AGPAT3: variants seen among roughly 807,000 people sequenced by gnomAD.
AGPAT3 encodes 1-acyl-sn-glycerol-3-phosphate acyltransferase gamma.
A neutral mutation model predicts 47.3 loss-of-function variants in AGPAT3; 5 were observed. That is an observed-to-expected ratio of 0.11 (90% CI 0.06 to 0.22). The LOEUF (loss-of-function observed/expected upper bound fraction) is 0.22, where lower values mean the gene tolerates loss of function less well. AGPAT3 is among the 10% of genes least tolerant of loss of function. AGPAT3 has a pLI of 1.00. For missense variants in AGPAT3, 315 were observed against 493.0 expected, an observed-to-expected ratio of 0.64 and a Z score of 3.42; for synonymous variants, 212 against 208.3, an observed-to-expected ratio of 1.02 and a Z score of -0.15.
chr21:43,906,191 G>A (rs900857325), intron 2 of AGPAT3, among the ~76,000 whole-genome samples: 2 of 152,138 alleles, frequency 1.3e-5, no homozygotes, highest in Non-Finnish European at 2.9e-5. Context: ...ACCCAAATCC[G>A]ATTTACAACC....
rs1223501214 is a variant in AGPAT3 at position 43,934,498 on chromosome 21, TGGC to T, written c.-48-25135_-48-25133del. 1.3e-5 allele frequency among the ~76,000 whole-genome samples: 2 copies of T among 152,230 alleles called. No individual in the cohort carries two copies. The highest frequency in any genetic ancestry group is 4.8e-5 in the African/African-American group (2 of 41,464). ...CCACTAGGATGTTATACAGGCAGCA[TGGC>T]TTAGGTGTCAGAGACGGGAAAGGAC... is the stretch of plus-strand genomic sequence containing the variant. On this transcript the variant is annotated intron_variant, in intron 2 of 9. Coordinates refer to ENST00000291572, the MANE Select transcript of AGPAT3 (RefSeq NM_020132.5). This position sits in a 1 kb window ranked among gnomAD's most constrained non-coding sequence, Gnocchi z 4.7.
At chr21:43,945,669 C>T (rs780276403) in intron 2 of AGPAT3, among the ~76,000 whole-genome samples, 1 of 152,140 alleles carries the variant, frequency 6.6e-6, no homozygotes, top group Non-Finnish European at 1.5e-5. Context: ...TTGCACTGTC[C>T]AGGCCAAGGG....
chr21:43,968,200 G>A (rs2089230357), intron 4 of AGPAT3, 85 bp downstream of exon 4: 2 of 1,419,496 alleles, frequency 1.4e-6, no homozygotes, highest in South Asian at 1.2e-5. Context: ...GGGAGGGCCG[G>A]GGTGAGCAGG....
chr21:43,893,748 C>A (rs928697687), intron 1 of AGPAT3, among the ~76,000 whole-genome samples: 4 of 152,078 alleles, frequency 2.6e-5, no homozygotes, highest in Non-Finnish European at 5.9e-5. Context: ...TGGGAAGAGC[C>A]GCTCGGCCGA....
rs1354184562 is a variant in AGPAT3, at chr21:43,920,285, A to AGAGT, written c.-49+16268_-49+16271dup. Among the ~76,000 whole-genome samples the AGAGT allele has an allele frequency of 6.6e-6, 1 of 151,704 alleles. No individual in the cohort carries two copies. Among genetic ancestry groups the AGAGT allele is most frequent in the African/African-American group, 2.4e-5 (1 of 41,246 alleles). On this transcript the variant is annotated intron_variant, in intron 2 of 9. Transcript: ENST00000291572. The surrounding 1 kb of genome is among the most constrained non-coding windows in gnomAD (Gnocchi z 6.1). ...TGTAAAGCGTGAATGTGTCAGTGTGAGAGTGTGTGTGTGCGTGTGAGTGTT... is the reference window on the plus strand; with the variant it reads ...TGTAAAGCGTGAATGTGTCAGTGTGAGAGTGAGTGTGTGTGTGCGTGTGAGTGTT...
rs548147091 is a variant in AGPAT3 at position 43,872,209 on chromosome 21, C to A, written c.-112+6864C>A. ...TTTTTTTTTTCTTTTGAGACAAAAT[C>A]TTGCTCTGTCACCCAGGCTGGAGTG... is the stretch of plus-strand genomic sequence containing the variant. On this transcript the variant is annotated intron_variant, in intron 1 of 9. Transcript: ENST00000291572. Among the ~76,000 whole-genome samples, 53 of 143,816 alleles carry A rather than the reference C, an allele frequency of 3.7e-4. No individual in the cohort carries two copies. The Middle Eastern group carries it at 0.011, about 29-fold the overall frequency. 94.3% of individuals were successfully genotyped at this position (143,816 alleles called of 152,430 possible).
intron 1 of AGPAT3, among the ~76,000 whole-genome samples, chr21:43,893,014 G>A (rs2145942629): frequency 6.6e-6 from 1 of 152,266 alleles, no homozygotes; most frequent in Non-Finnish European, 1.5e-5. Flanking sequence ...AGGATTGCTT[G>A]AGCCCAGGAG....
At chr21:43,945,348 C>A (rs1001905389) in intron 2 of AGPAT3, among the ~76,000 whole-genome samples, 1 of 152,184 alleles carries the variant, frequency 6.6e-6, no homozygotes, top group African/African-American at 2.4e-5. Flanking sequence ...AAAGAAAATT[C>A]GGCTGAACTG....
chr21:43,939,462 G>T lies in AGPAT3; in HGVS notation c.-48-20172G>T, dbSNP rs761576085. The stretch of plus-strand genomic sequence containing the variant: ...GTTTCAGGCTGGAGTGACATGGAGG[G>T]ACGTGCCTGACTTCTGGAGGATAAG... On this transcript the variant is annotated intron_variant, in intron 2 of 9. Coordinates refer to ENST00000291572, the MANE Select transcript of AGPAT3 (RefSeq NM_020132.5). This position sits in a 1 kb window ranked among gnomAD's most constrained non-coding sequence, Gnocchi z 4.4. Among the ~76,000 whole-genome samples the T allele has an allele frequency of 6.6e-6, 1 of 152,180 alleles. No homozygotes were observed. The highest frequency in any genetic ancestry group is 2.4e-5 in the African/African-American group (1 of 41,450).
chr21:43,871,610 C>T (rs1313430271), intron 1 of AGPAT3, among the ~76,000 whole-genome samples: 1 of 152,170 alleles, frequency 6.6e-6, no homozygotes, highest in Non-Finnish European at 1.5e-5. Flanking sequence ...AAGTGTTGTG[C>T]AGTTGTGGTC....
chr21:43,880,080 G>A lies in AGPAT3; in HGVS notation c.-112+14735G>A, dbSNP rs574713242. On this transcript the variant is annotated intron_variant, in intron 1 of 9. Transcript: ENST00000291572. The surrounding 1 kb of genome is among the most constrained non-coding windows in gnomAD (Gnocchi z 4.5). ...AGCCCTGCATCCCTTGCGTCCCCAG[G>A]CATCTTAGGAGCACTGTGGAAACTC... Among the ~76,000 whole-genome samples the A allele has an allele frequency of 3.7e-4, 57 of 152,346 alleles. No individual in the cohort carries two copies. The highest frequency in any genetic ancestry group is 6.9e-4 in the Non-Finnish European group (47 of 68,026).
intron 2 of AGPAT3, among the ~76,000 whole-genome samples, chr21:43,915,672 A>G (rs948412613): frequency 6.6e-6 from 1 of 152,084 alleles, no homozygotes; most frequent in Non-Finnish European, 1.5e-5. Flanking sequence ...TTGGTCTCCC[A>G]GAGTGCTGGG....
At chr21:43,976,713 C>T (rs552387726) in intron 7 of AGPAT3, among the ~76,000 whole-genome samples, 7 of 151,968 alleles carry the variant, frequency 4.6e-5, no homozygotes, top group Non-Finnish European at 7.4e-5. Flanking sequence ...GCCTGAATAG[C>T]CTGTTTTGAA....
Position 43,981,477 on chromosome 21 carries a change from G to C in AGPAT3, c.1042+290G>C. On this transcript the variant is annotated intron_variant, in intron 9 of 9. Transcript: ENST00000291572. The surrounding 1 kb of genome is among the most constrained non-coding windows in gnomAD (Gnocchi z 5.3). ...TGCCGACGAGAGGGTCCCCGAGAGG[G>C]TCCCCAGCCCCCCTGTCTGCTTTTG... 2.0e-6 allele frequency: 1 copy of C among 489,534 alleles called. No homozygotes were observed. The highest frequency in any genetic ancestry group is 3.7e-6 in the Non-Finnish European group (1 of 268,324). The allele number at this position is 489,534 out of a possible 1,614,324, so 30.3% of individuals were successfully genotyped here. A position where few individuals can be genotyped will look rare whatever the true frequency, so the allele number is the denominator to read the frequency against.
intron 2 of AGPAT3, among the ~76,000 whole-genome samples, chr21:43,929,234 G>A (rs372584235): frequency 2.6e-5 from 4 of 152,344 alleles, no homozygotes; most frequent in African/African-American, 7.2e-5. Context: ...CAGCAACAGC[G>A]TAAGATGGTT....
rs184162200 is a variant in AGPAT3 at position 43,868,211 on chromosome 21, A to G, written c.-112+2866A>G. ...AGTTGGCCATTCTTTCTGCAGGGCCAAAGTCTGTACCTGGCTATTAGGGTG... is the reference window on the plus strand; with the variant it reads ...AGTTGGCCATTCTTTCTGCAGGGCCGAAGTCTGTACCTGGCTATTAGGGTG... On this transcript the variant is annotated intron_variant, in intron 1 of 9. Transcript: ENST00000291572. 3.3e-5 allele frequency among the ~76,000 whole-genome samples: 5 copies of G among 152,328 alleles called. No homozygotes were observed. The East Asian group carries it at 7.7e-4, about 23-fold the overall frequency.
chr21:43,939,938 C>CCGCAGCTGTGCGCAGGAGGA lies in AGPAT3; in HGVS notation c.-48-19693_-48-19674dup, dbSNP rs2146357007. Among the ~76,000 whole-genome samples, 1 of 152,328 alleles carries CCGCAGCTGTGCGCAGGAGGA rather than the reference C, an allele frequency of 6.6e-6. No homozygotes were observed. Among genetic ancestry groups the CCGCAGCTGTGCGCAGGAGGA allele is most frequent in the South Asian group, 2.1e-4 (1 of 4,830 alleles). ...TTAGCCGGTGCCCCGACGGCAGAGCCCGCAGCTGTGCGCAGGAGGACGAAC... is the reference window on the plus strand; with the variant it reads ...TTAGCCGGTGCCCCGACGGCAGAGCCCGCAGCTGTGCGCAGGAGGACGCAGCTGTGCGCAGGAGGACGAAC... On this transcript the variant is annotated intron_variant, in intron 2 of 9. Coordinates refer to ENST00000291572, the MANE Select transcript of AGPAT3 (RefSeq NM_020132.5). This position sits in a 1 kb window ranked among gnomAD's most constrained non-coding sequence, Gnocchi z 4.4.
At chr21:43,951,434 C>T (rs2088186722) in intron 2 of AGPAT3, among the ~76,000 whole-genome samples, 1 of 152,222 alleles carries the variant, frequency 6.6e-6, no homozygotes. Flanking sequence ...GCTAGCCTTG[C>T]TCTCGGAAGG....
Position 43,952,332 on chromosome 21 carries a change from CTTAA to C in AGPAT3, c.-48-7298_-48-7295del, listed in dbSNP as rs566482050. Among the ~76,000 whole-genome samples the C allele has an allele frequency of 1.8e-4, 27 of 152,304 alleles. No homozygotes were observed. In the East Asian group the frequency reaches 5.0e-3, roughly 28 times the overall value. Reference sequence around the variant, plus strand: ...CGCCCACCCTGATGATATCATTTAACTTAATTACTGTGTTAAAGGCCCTGTCTCC... The same window carrying C: ...CGCCCACCCTGATGATATCATTTAACTTACTGTGTTAAAGGCCCTGTCTCC... On this transcript the variant is annotated intron_variant, in intron 2 of 9. Transcript: ENST00000291572. This position sits in a 1 kb window ranked among gnomAD's most constrained non-coding sequence, Gnocchi z 5.6.
Sources: gnomAD v4.1 joint callset for allele counts (sites outside exome capture counted in the v4.1 genomes callset) on GRCh38, gnomAD v4.1.1 for gene constraint, Gnocchi (gnomAD v3.1) non-coding constraint, MANE v1.5 for transcripts, NCBI Gene and HGNC (gene_info 2026-07-23, HGNC 2026-07-21) for gene names.